The following COL23A1 variants were observed in gnomAD, a reference collection of about 807,000 sequenced individuals.
The protein encoded by COL23A1 is collagen alpha-1(XXIII) chain.
COL23A1 carries 97 observed loss-of-function variants against 99.3 expected under a neutral mutation model. The ratio of observed to expected loss-of-function variants is 0.98; its 90% CI spans 0.83 to 1.16. The LOEUF is 1.16. Among genes scored for constraint, COL23A1 ranks in the 50% most tolerant of loss-of-function variants. The pLI, the probability that COL23A1 is intolerant of heterozygous loss-of-function variation, is 0.00. For missense variants in COL23A1, 762 were observed against 757.4 expected (o/e 1.01, Z -0.07); for synonymous variants, 320 against 308.2 (o/e 1.04, Z -0.40).
At chr5:178,509,008 A>G (rs1311212039) in intron 2 of COL23A1, among the ~76,000 whole-genome samples, 4 of 152,180 alleles carry the variant, frequency 2.6e-5, no homozygotes, top group Non-Finnish European at 5.9e-5. Flanking sequence ...TATGTTTCAG[A>G]TGCCAAAGTG....
intron 2 of COL23A1, among the ~76,000 whole-genome samples, chr5:178,338,115 A>T (rs1760450859): frequency 6.6e-6 from 1 of 152,178 alleles, no homozygotes; most frequent in African/African-American, 2.4e-5. Context: ...GAACTGACCC[A>T]TGCGGTCTGA....
intron 2 of COL23A1, among the ~76,000 whole-genome samples, chr5:178,325,428 G>T (rs1759592535): frequency 6.6e-6 from 1 of 151,042 alleles, no homozygotes; most frequent in African/African-American, 2.4e-5. Context: ...CAGACACCTG[G>T]CCTGGACATG....
chr5:178,407,787 A>G (rs1764840479), intron 2 of COL23A1, among the ~76,000 whole-genome samples: 1 of 151,514 alleles, frequency 6.6e-6, no homozygotes, highest in Non-Finnish European at 1.5e-5. Flanking sequence ...CTGAACAAAC[A>G]GAGAGAAAAT....
intron 2 of COL23A1, among the ~76,000 whole-genome samples, chr5:178,519,920 G>A (rs1199372696): frequency 6.6e-6 from 1 of 152,182 alleles, no homozygotes; most frequent in Non-Finnish European, 1.5e-5. Context: ...TGAATGGTCA[G>A]ATGGACAGAT....
At chr5:178,263,783 C>A (rs1041475922) in intron 8 of COL23A1, among the ~76,000 whole-genome samples, 2 of 152,100 alleles carry the variant, frequency 1.3e-5, no homozygotes, top group African/African-American at 4.8e-5. Flanking sequence ...TTAGTAACAG[C>A]CCCAAACTGG....
chr5:178,257,969 G>A (rs1765399666), intron 12 of COL23A1, among the ~76,000 whole-genome samples: 1 of 152,206 alleles, frequency 6.6e-6, no homozygotes, highest in African/African-American at 2.4e-5. Context: ...GTAGGTCAAG[G>A]CGGGAAGACT....
At chr5:178,405,637 G>A (rs1030488341) in intron 2 of COL23A1, among the ~76,000 whole-genome samples, 9 of 152,084 alleles carry the variant, frequency 5.9e-5, no homozygotes, top group Admixed American at 2.0e-4. Flanking sequence ...GATGCACGAC[G>A]ACCACCACTA....
chr5:178,237,931 C>A lies in COL23A1; in HGVS notation c.*767G>T, dbSNP rs919451036. The stretch of plus-strand genomic sequence containing the variant: ...TGGTCCAGGCCATGTCCTATCTTGT[C>A]CCTCTCTGGGTGATAATGGAAACAG... On this transcript the variant is annotated 3_prime_UTR_variant, in exon 29 of 29. Transcript: ENST00000390654. 2.0e-5 allele frequency: 3 copies of A among 152,614 alleles called. No individual in the cohort carries two copies. Among genetic ancestry groups the A allele is most frequent in the Non-Finnish European group, 2.9e-5 (2 of 68,168 alleles). The allele number at this position is 152,614 out of a possible 1,614,324, so 9.5% of individuals were successfully genotyped here.
chr5:178,362,797 C>G (rs563459579), intron 2 of COL23A1, among the ~76,000 whole-genome samples: 2 of 152,322 alleles, frequency 1.3e-5, no homozygotes, highest in East Asian at 3.9e-4. Context: ...ATCCCAAGCA[C>G]TGGGAGAGGC....
chr5:178,287,853 C>T (rs946686809), intron 5 of COL23A1, among the ~76,000 whole-genome samples: 8 of 152,248 alleles, frequency 5.3e-5, no homozygotes, highest in Non-Finnish European at 1.2e-4. Flanking sequence ...GGACATCTAT[C>T]CCAGGAATGC....
intron 2 of COL23A1, among the ~76,000 whole-genome samples, chr5:178,438,507 T>C (rs1766685805): frequency 6.6e-6 from 1 of 152,184 alleles, no homozygotes; most frequent in South Asian, 2.1e-4. Context: ...TTATGTATCA[T>C]ATGCTATGGA....
At chr5:178,501,799 C>A (rs1758551425) in intron 2 of COL23A1, among the ~76,000 whole-genome samples, 1 of 152,180 alleles carries the variant, frequency 6.6e-6, no homozygotes, top group African/African-American at 2.4e-5. Flanking sequence ...CCTGGGGCAC[C>A]ACTGGAGACC....
At chr5:178,269,058 G>A (rs892949001) in intron 6 of COL23A1, among the ~76,000 whole-genome samples, 1 of 152,120 alleles carries the variant, frequency 6.6e-6, no homozygotes, top group Non-Finnish European at 1.5e-5. Context: ...GAGCACACAC[G>A]GTCAGTTCCC....
At chr5:178,389,266 C>CT (rs1341953202) in intron 2 of COL23A1, among the ~76,000 whole-genome samples, 2 of 152,192 alleles carry the variant, frequency 1.3e-5, no homozygotes, top group Non-Finnish European at 2.9e-5. Flanking sequence ...CCCAATGCCC[C>CT]TTTCAACACA....
chr5:178,442,710 C>T (rs1001433897), intron 2 of COL23A1, among the ~76,000 whole-genome samples: 5 of 152,216 alleles, frequency 3.3e-5, no homozygotes, highest in African/African-American at 1.2e-4. Context: ...AGAGAAGAAT[C>T]GGAGTGGAAC....
intron 2 of COL23A1, among the ~76,000 whole-genome samples, chr5:178,548,990 C>T (rs990305397): frequency 3.3e-5 from 5 of 152,052 alleles, no homozygotes; most frequent in African/African-American, 1.2e-4. Context: ...CTGCAAGCAT[C>T]CATACAAATA....
At chr5:178,334,252 G>T (rs1458735107) in intron 2 of COL23A1, among the ~76,000 whole-genome samples, 2 of 152,218 alleles carry the variant, frequency 1.3e-5, no homozygotes, top group African/African-American at 4.8e-5. Context: ...GCCCGGCGCA[G>T]TGCTGGGTGT....
intron 17 of COL23A1, 75 bp downstream of exon 17, chr5:178,252,469 C>T: frequency 3.6e-6 from 5 of 1,407,904 alleles, no homozygotes; most frequent in Non-Finnish European, 4.9e-6. Context: ...AACAGGGTCA[C>T]AGAGCAGACA....
chr5:178,480,865 G>C (rs1384654168), intron 2 of COL23A1, among the ~76,000 whole-genome samples: 1 of 152,078 alleles, frequency 6.6e-6, no homozygotes, highest in Non-Finnish European at 1.5e-5. Context: ...ATGTGGGCTG[G>C]GCTGGCACGG....
Sources: allele counts gnomAD v4.1 joint callset (sites outside exome capture counted in the v4.1 genomes callset), GRCh38; gene constraint gnomAD v4.1.1; transcripts MANE v1.5; gene names NCBI Gene and HGNC (gene_info 2026-07-23, HGNC 2026-07-21).